ZNF277: variants seen among roughly 807,000 people sequenced by gnomAD.
The protein encoded by ZNF277 is zinc finger protein 277.
Under a neutral mutation model 60.7 loss-of-function variants are expected in ZNF277, and 55 were observed. The ratio of observed to expected loss-of-function variants is 0.91; its 90% CI spans 0.73 to 1.13. The LOEUF (loss-of-function observed/expected upper bound fraction) is 1.13, where lower values mean the gene tolerates loss of function less well. ZNF277 is among the 50% of genes most tolerant of loss of function. ZNF277 has a pLI of 0.00. For synonymous variants in ZNF277, 178 were observed against 179.3 expected, an observed-to-expected ratio of 0.99 and a Z score of 0.06; for missense variants, 510 against 523.0, an observed-to-expected ratio of 0.98 and a Z score of 0.24.
At chr7:112,331,991 G>A (rs1451204811) in intron 7 of ZNF277, among the ~76,000 whole-genome samples, 1 of 152,170 alleles carries the variant, frequency 6.6e-6, no homozygotes, top group Non-Finnish European at 1.5e-5. Flanking sequence ...TTTTAGAAAA[G>A]TATGATACTT....
At chr7:112,282,003 T>A (rs1383447468) in intron 1 of ZNF277, among the ~76,000 whole-genome samples, 1 of 152,156 alleles carries the variant, frequency 6.6e-6, no homozygotes, top group African/African-American at 2.4e-5. Flanking sequence ...CTGCTAATTT[T>A]TGTATTTTCA....
intron 1 of ZNF277, among the ~76,000 whole-genome samples, chr7:112,259,880 T>C (rs1192148810): frequency 2.6e-5 from 4 of 152,142 alleles, no homozygotes; most frequent in Non-Finnish European, 5.9e-5. Flanking sequence ...AATTAAGCAA[T>C]CACTGACATA....
At chr7:112,207,511 A>G (rs1339242115) in intron 1 of ZNF277, among the ~76,000 whole-genome samples, 2 of 152,174 alleles carry the variant, frequency 1.3e-5, no homozygotes, top group Non-Finnish European at 2.9e-5. Context: ...AAGAGTTTTG[A>G]AAACCATCAC....
intron 1 of ZNF277, among the ~76,000 whole-genome samples, chr7:112,241,484 A>G (rs28797808): frequency 0.043 from 6,594 of 152,246 alleles, 339 homozygotes; most frequent in African/African-American, 0.13. Flanking sequence ...CAATCCAGCA[A>G]TCCTGCTCCT....
chr7:112,276,246 A>G (rs1791791115), intron 1 of ZNF277, among the ~76,000 whole-genome samples: 1 of 152,330 alleles, frequency 6.6e-6, no homozygotes, highest in East Asian at 1.9e-4. Flanking sequence ...TAAGAAAGAA[A>G]TGTCTGGGTA....
intron 2 of ZNF277, among the ~76,000 whole-genome samples, chr7:112,290,184 G>A (rs1490580023): frequency 6.6e-6 from 1 of 152,108 alleles, no homozygotes; most frequent in Non-Finnish European, 1.5e-5. Flanking sequence ...TTCAGGAATT[G>A]CAGAAGAACA....
intron 1 of ZNF277, among the ~76,000 whole-genome samples, chr7:112,286,470 C>A (rs1470113602): frequency 6.6e-6 from 1 of 152,134 alleles, no homozygotes; most frequent in African/African-American, 2.4e-5. Flanking sequence ...ACCATTTATT[C>A]CCTTGGTGTG....
intron 2 of ZNF277, among the ~76,000 whole-genome samples, chr7:112,294,652 A>G (rs1292747623): frequency 6.6e-6 from 1 of 152,092 alleles, no homozygotes; most frequent in Non-Finnish European, 1.5e-5. Context: ...CATATTCTAT[A>G]TTCATTCAGT....
chr7:112,330,395 T>C, intron 7 of ZNF277, 179 bp downstream of exon 7: 1 of 636,794 alleles, frequency 1.6e-6, no homozygotes, highest in Non-Finnish European at 2.7e-6. Context: ...ATTTGACTTG[T>C]CTTTTATTTG....
intron 1 of ZNF277, among the ~76,000 whole-genome samples, chr7:112,235,128 G>A (rs765705618): frequency 4.0e-5 from 6 of 151,524 alleles, no homozygotes; most frequent in Non-Finnish European, 5.9e-5. Flanking sequence ...AAACAATTTC[G>A]CTCCAATATT....
At chr7:112,279,905 G>C (rs762247440) in intron 1 of ZNF277, among the ~76,000 whole-genome samples, 9 of 152,148 alleles carry the variant, frequency 5.9e-5, no homozygotes, top group Non-Finnish European at 1.5e-5. Flanking sequence ...TGGTTGTGCT[G>C]TTTCAGGTGT....
intron 1 of ZNF277, among the ~76,000 whole-genome samples, chr7:112,269,220 T>G (rs1043952027): frequency 6.6e-6 from 1 of 151,226 alleles, no homozygotes; most frequent in Non-Finnish European, 1.5e-5. Flanking sequence ...GTTTTTTTTT[T>G]GTTTGTTTTA....
intron 4 of ZNF277, among the ~76,000 whole-genome samples, chr7:112,310,190 A>G (rs1452018485): frequency 4.6e-5 from 7 of 151,996 alleles, no homozygotes; most frequent in Non-Finnish European, 1.0e-4. Flanking sequence ...CCAACCCACT[A>G]ATCACATTGT....
At chr7:112,237,157 T>C (rs1790817359) in intron 1 of ZNF277, among the ~76,000 whole-genome samples, 1 of 152,052 alleles carries the variant, frequency 6.6e-6, no homozygotes, top group Non-Finnish European at 1.5e-5. Flanking sequence ...AAGATGGAAA[T>C]TTAAAAAAAT....
At chr7:112,238,235 A>G (rs1790853721) in intron 1 of ZNF277, among the ~76,000 whole-genome samples, 1 of 152,190 alleles carries the variant, frequency 6.6e-6, no homozygotes, top group African/African-American at 2.4e-5. Flanking sequence ...TAGCGCAGAG[A>G]GTGCTTAGGG....
chr7:112,219,183 T>C (rs976976029), intron 1 of ZNF277, among the ~76,000 whole-genome samples: 2 of 152,254 alleles, frequency 1.3e-5, no homozygotes, highest in African/African-American at 4.8e-5. Flanking sequence ...TTCATGATTT[T>C]AATATGCATT....
Position 112,343,593 on chromosome 7 carries a change from C to T in ZNF277, c.*864C>T, listed in dbSNP as rs1320544003. ...AGAATATCACTTTTGTAGATTTATA[C>T]CAAAAATGCATAATTTGGATATAAT... On this transcript the variant is annotated 3_prime_UTR_variant, in exon 12 of 12. Coordinates refer to ENST00000361822, the MANE Select transcript of ZNF277 (RefSeq NM_021994.3). Among the ~76,000 whole-genome samples, 1 of 151,924 alleles carries T rather than the reference C, an allele frequency of 6.6e-6. No individual in the cohort carries two copies. The highest frequency in any genetic ancestry group is 2.4e-5 in the African/African-American group (1 of 41,332).
chr7:112,236,177 C>G (rs1790780164), intron 1 of ZNF277, among the ~76,000 whole-genome samples: 1 of 152,012 alleles, frequency 6.6e-6, no homozygotes, highest in African/African-American at 2.4e-5. Flanking sequence ...AGTGTGAGAG[C>G]TTTAACTTTG....
Position 112,336,182 on chromosome 7 carries a change from T to C in ZNF277, c.869+11T>C, listed in dbSNP as rs1793329629. On this transcript the variant is annotated intron_variant, in intron 8 of 11. Transcript: ENST00000361822. ...GGACCATCAGGAAGAGTAAGAGTTG[T>C]TATTGCTGCTAATTAATTGCAGTGT... 9 of 1,604,308 alleles carry C rather than the reference T, an allele frequency of 5.6e-6. No homozygotes were observed. The highest frequency in any genetic ancestry group is 1.3e-5 in the African/African-American group (1 of 74,516).
Sources: gnomAD v4.1 joint callset for allele counts (sites outside exome capture counted in the v4.1 genomes callset) on GRCh38, gnomAD v4.1.1 for gene constraint, MANE v1.5 for transcripts, NCBI Gene and HGNC (gene_info 2026-07-23, HGNC 2026-07-21) for gene names.